The following ATP8A2 variants were observed in gnomAD, a reference collection of about 807,000 sequenced individuals.
ATP8A2 encodes phospholipid-transporting ATPase IB.
In ATP8A2, 100 loss-of-function variants were observed where a neutral mutation model predicts 165.6. The ratio of observed to expected loss-of-function variants is 0.60; its 90% CI spans 0.51 to 0.71. The LOEUF (loss-of-function observed/expected upper bound fraction) is 0.71, where lower values mean the gene tolerates loss of function less well. Among genes scored for constraint, ATP8A2 ranks in the 30% least tolerant of loss-of-function variants. The probability of loss-of-function intolerance (pLI) is 0.00; values close to 1 mark genes in which losing one functional copy is unlikely to be tolerated. For missense variants in ATP8A2, 1,227 were observed against 1,479.5 expected, an observed-to-expected ratio of 0.83 and a Z score of 2.80; for synonymous variants, 543 against 548.8, an observed-to-expected ratio of 0.99 and a Z score of 0.15.
In ATP8A2 at chr13:25,396,603, C is replaced by T. The variant is rs570548988; in HGVS notation, c.76+24315C>T. On this transcript the variant is annotated intron_variant, in intron 1 of 36. Transcript: ENST00000381655. ...ACATGGCCTAATTTGCCCTTGACCC[C>T]GGGTAGCCTGCAATCATGAGGGTGC... Among the ~76,000 whole-genome samples, 28 of 152,226 alleles carry T rather than the reference C, an allele frequency of 1.8e-4. No individual in the cohort carries two copies. In the South Asian group the frequency reaches 4.2e-3, roughly 23 times the overall value.
At chr13:25,469,294 A>G (rs1433121677) in intron 2 of ATP8A2, among the ~76,000 whole-genome samples, 173 bp downstream of exon 2, 1 of 127,278 alleles carries the variant, frequency 7.9e-6, no homozygotes, top group African/African-American at 3.0e-5. Flanking sequence ...CCGCGCTTCC[A>G]GTAGGGTCAT....
chr13:25,864,051 G>T (rs17488624), intron 33 of ATP8A2, among the ~76,000 whole-genome samples: 30,476 of 152,182 alleles, frequency 0.2, 3,345 homozygotes, highest in Non-Finnish European at 0.25. Context: ...ACCAAGAAAA[G>T]TATCCACTAC....
At chr13:25,570,694 G>T in intron 16 of ATP8A2, 73 bp from the exon 17 acceptor site, 1 of 1,172,302 alleles carries the variant, frequency 8.5e-7, no homozygotes, top group Non-Finnish European at 1.3e-6. Context: ...TGTTAGTTGG[G>T]GATCTGCTTG....
intron 25 of ATP8A2, among the ~76,000 whole-genome samples, chr13:25,739,557 ACTTGT>A (rs992961631): frequency 5.9e-5 from 9 of 152,162 alleles, no homozygotes; most frequent in Admixed American, 5.2e-4. Flanking sequence ...AATAAATTCA[ACTTGT>A]CTTGGAGAAG....
At chr13:25,559,633 C>G (rs895395922) in intron 14 of ATP8A2, 88 bp from the exon 15 acceptor site, 2 of 991,144 alleles carry the variant, frequency 2.0e-6, no homozygotes, top group African/African-American at 3.2e-5. Context: ...GTTTGTATAT[C>G]TAATCTAAGA....
At chr13:25,599,384 C>A (rs1028077142) in intron 24 of ATP8A2, among the ~76,000 whole-genome samples, 17 of 152,214 alleles carry the variant, frequency 1.1e-4, no homozygotes, top group Admixed American at 9.2e-4. Context: ...GTCATCGGCT[C>A]ACCTCATGAA....
chr13:25,657,141 C>T (rs2041951193), intron 24 of ATP8A2, among the ~76,000 whole-genome samples: 1 of 150,338 alleles, frequency 6.7e-6, no homozygotes, highest in Non-Finnish European at 1.5e-5. Flanking sequence ...TGGGGAAAAG[C>T]CTAGACTTAA....
intron 1 of ATP8A2, among the ~76,000 whole-genome samples, chr13:25,433,987 G>A (rs563136985): frequency 6.6e-6 from 1 of 152,262 alleles, no homozygotes; most frequent in African/African-American, 2.4e-5. Context: ...TGGGAGTGCT[G>A]AGGCTTGAGA....
At chr13:25,545,297 A>T (rs2038612583) in intron 10 of ATP8A2, among the ~76,000 whole-genome samples, 1 of 152,074 alleles carries the variant, frequency 6.6e-6, no homozygotes, top group African/African-American at 2.4e-5. Context: ...AGTGTGCCTG[A>T]TCCATCGCCC....
At chr13:25,462,593 A>T (rs1033706197) in intron 1 of ATP8A2, among the ~76,000 whole-genome samples, 1 of 152,130 alleles carries the variant, frequency 6.6e-6, no homozygotes, top group Non-Finnish European at 1.5e-5. Flanking sequence ...TTGGGGTTTC[A>T]TTATGTGGGA....
At chr13:25,455,591 G>A (rs758767209) in intron 1 of ATP8A2, among the ~76,000 whole-genome samples, 9 of 152,122 alleles carry the variant, frequency 5.9e-5, no homozygotes, top group Non-Finnish European at 8.8e-5. Flanking sequence ...CATTCAAGGG[G>A]GGAGCTAATA....
chr13:25,451,194 G>T (rs754073416), intron 1 of ATP8A2, among the ~76,000 whole-genome samples: 1 of 152,028 alleles, frequency 6.6e-6, no homozygotes, highest in Non-Finnish European at 1.5e-5. Flanking sequence ...TCAAATTCAT[G>T]CATCCTTCCC....
chr13:25,871,903 G>A (rs1388565103), intron 33 of ATP8A2, among the ~76,000 whole-genome samples: 1 of 152,126 alleles, frequency 6.6e-6, no homozygotes, highest in Non-Finnish European at 1.5e-5. Flanking sequence ...GAAACTGAAA[G>A]ACAGGCATAT....
chr13:25,740,217 G>A (rs960340113), intron 25 of ATP8A2, among the ~76,000 whole-genome samples: 3 of 151,412 alleles, frequency 2.0e-5, no homozygotes, highest in East Asian at 3.9e-4. Context: ...GCTGAGGCAG[G>A]AGAATGGTGT....
intron 25 of ATP8A2, among the ~76,000 whole-genome samples, chr13:25,767,473 A>G (rs2044515674): frequency 6.6e-6 from 1 of 152,228 alleles, no homozygotes; most frequent in Non-Finnish European, 1.5e-5. Context: ...ACCTGAGAAT[A>G]TTTAGCAAGC....
chr13:25,373,701 G>T (rs1338878812), intron 1 of ATP8A2, among the ~76,000 whole-genome samples: 1 of 152,206 alleles, frequency 6.6e-6, no homozygotes, highest in Admixed American at 6.5e-5. Flanking sequence ...TGGGGAAACT[G>T]CGGAGGACCA....
chr13:25,404,490 G>T (rs2033735635), intron 1 of ATP8A2, among the ~76,000 whole-genome samples: 1 of 152,126 alleles, frequency 6.6e-6, no homozygotes, highest in South Asian at 2.1e-4. Context: ...GTGGCTTGGA[G>T]AGTGGTCATA....
intron 1 of ATP8A2, among the ~76,000 whole-genome samples, chr13:25,423,975 AG>A (rs2034372079): frequency 6.6e-6 from 1 of 152,166 alleles, no homozygotes; most frequent in Admixed American, 6.5e-5. Flanking sequence ...AGGATTTCAG[AG>A]GGTCAGGTTT....
intron 33 of ATP8A2, among the ~76,000 whole-genome samples, chr13:25,928,518 C>A (rs967888844): frequency 6.6e-6 from 1 of 152,184 alleles, no homozygotes; most frequent in Non-Finnish European, 1.5e-5. Flanking sequence ...GCAAGAACTC[C>A]ACGCAAATTC....
Sources: gnomAD v4.1 joint callset for allele counts (sites outside exome capture counted in the v4.1 genomes callset) on GRCh38, gnomAD v4.1.1 for gene constraint, MANE v1.5 for transcripts, NCBI Gene and HGNC (gene_info 2026-07-23, HGNC 2026-07-21) for gene names.